MGAT5: variants seen among roughly 807,000 people sequenced by gnomAD.
MGAT5 encodes the protein alpha-1,6-mannosylglycoprotein 6-beta-N-acetylglucosaminyltransferase A.
Under a neutral mutation model 94.3 loss-of-function variants are expected in MGAT5, and 30 were observed. That is an observed-to-expected ratio of 0.32 (90% CI 0.24 to 0.43). The LOEUF is 0.43. MGAT5 is among the 20% of genes least tolerant of loss of function. The pLI, the probability that MGAT5 is intolerant of heterozygous loss-of-function variation, is 1.00. For missense variants in MGAT5, 691 were observed against 905.5 expected (o/e 0.76, Z 3.04); for synonymous variants, 310 against 322.9 (o/e 0.96, Z 0.43).
chr2:134,372,901 C>T (rs536370484), intron 10 of MGAT5, among the ~76,000 whole-genome samples: 1 of 152,324 alleles, frequency 6.6e-6, no homozygotes, highest in Admixed American at 6.5e-5. Flanking sequence ...CTCCTGCGAA[C>T]GCCAGGGCTG....
At chr2:134,178,713 A>G (rs952569271) in intron 1 of MGAT5, among the ~76,000 whole-genome samples, 3 of 152,210 alleles carry the variant, frequency 2.0e-5, no homozygotes, top group African/African-American at 7.2e-5. Context: ...CTCTAGGGAA[A>G]GAACTTGAAT....
intron 1 of MGAT5, among the ~76,000 whole-genome samples, chr2:134,195,824 GA>G (rs1325002322): frequency 6.6e-6 from 1 of 152,202 alleles, no homozygotes; most frequent in African/African-American, 2.4e-5. Context: ...TTTTATTTGT[GA>G]CAATTGTATT....
intron 10 of MGAT5, among the ~76,000 whole-genome samples, chr2:134,374,208 A>T (rs1681011338): frequency 6.6e-6 from 1 of 152,004 alleles, no homozygotes; most frequent in South Asian, 2.1e-4. Flanking sequence ...AGGAAGTCTG[A>T]CCTCTTTCCG....
intron 1 of MGAT5, among the ~76,000 whole-genome samples, chr2:134,144,629 G>T (rs114472004): frequency 5.3e-5 from 8 of 152,184 alleles, no homozygotes; most frequent in African/African-American, 1.7e-4. Context: ...AAATGTAAAA[G>T]CTTTAATTTA....
At chr2:134,429,499 A>G (rs578098549) in intron 14 of MGAT5, among the ~76,000 whole-genome samples, 1 of 152,310 alleles carries the variant, frequency 6.6e-6, no homozygotes, top group South Asian at 2.1e-4. Context: ...TGGCCTCTCT[A>G]TGCCTTAGTT....
chr2:134,279,837 A>G (rs1684588143), intron 2 of MGAT5, among the ~76,000 whole-genome samples: 1 of 152,220 alleles, frequency 6.6e-6, no homozygotes. Flanking sequence ...ACAGCATAGC[A>G]TATGCTTCCT....
chr2:134,393,844 A>G (rs919788750), intron 10 of MGAT5, among the ~76,000 whole-genome samples: 1 of 149,976 alleles, frequency 6.7e-6, no homozygotes, highest in Non-Finnish European at 1.5e-5. Flanking sequence ...TCCTGGTTGC[A>G]CCCCACCCCC....
At chr2:134,270,308 C>A in intron 1 of MGAT5, 78 bp from the exon 2 acceptor site, 1 of 1,383,326 alleles carries the variant, frequency 7.2e-7, no homozygotes, top group South Asian at 1.4e-5. Flanking sequence ...GTTTTGTTCT[C>A]CACGATAAAG....
Position 134,400,950 on chromosome 2 carries a change from G to A in MGAT5, c.1381-2038G>A, listed in dbSNP as rs534232830. 5.9e-5 allele frequency among the ~76,000 whole-genome samples: 9 copies of A among 152,252 alleles called. No homozygotes were observed. In the East Asian group the frequency reaches 1.7e-3, roughly 29 times the overall value. On this transcript the variant is annotated intron_variant, in intron 10 of 15. Transcript: ENST00000281923. ...TATTATAAGGATCCAGAGGGACCTG[G>A]GGAATTTAGGATAGGGAACCACTGT...
At chr2:134,214,011 G>A (rs897942028) in intron 1 of MGAT5, among the ~76,000 whole-genome samples, 9 of 152,268 alleles carry the variant, frequency 5.9e-5, no homozygotes, top group Admixed American at 5.2e-4. Flanking sequence ...AGTGGTCTTT[G>A]TGGTAGCCAG....
chr2:134,439,038 G>A (rs1200374966), intron 14 of MGAT5, among the ~76,000 whole-genome samples: 3 of 152,164 alleles, frequency 2.0e-5, no homozygotes, highest in African/African-American at 7.2e-5. Flanking sequence ...GAACACATGA[G>A]TGGAGGGCAA....
chr2:134,190,670 A>G (rs1035491866), intron 1 of MGAT5, among the ~76,000 whole-genome samples: 6 of 152,010 alleles, frequency 3.9e-5, no homozygotes, highest in African/African-American at 1.5e-4. Flanking sequence ...TTTTTTTCAG[A>G]CAGTCTCTCT....
intron 4 of MGAT5, among the ~76,000 whole-genome samples, chr2:134,335,140 T>C (rs905882227): frequency 6.6e-6 from 1 of 152,112 alleles, no homozygotes; most frequent in Admixed American, 6.6e-5. Context: ...AAAACTGACA[T>C]GTTTCTTTGA....
At chr2:134,414,552 T>C (rs1332895731) in intron 12 of MGAT5, among the ~76,000 whole-genome samples, 1 of 152,202 alleles carries the variant, frequency 6.6e-6, no homozygotes, top group Non-Finnish European at 1.5e-5. Context: ...AATATACACA[T>C]TGTGAGATAG....
intron 1 of MGAT5, among the ~76,000 whole-genome samples, chr2:134,182,988 C>T (rs926511774): frequency 2.6e-5 from 4 of 151,958 alleles, no homozygotes; most frequent in Admixed American, 1.3e-4. Context: ...GACAGGGTTT[C>T]ACCGTGTTAG....
At chr2:134,371,289 A>G (rs1680781377) in intron 10 of MGAT5, among the ~76,000 whole-genome samples, 1 of 152,194 alleles carries the variant, frequency 6.6e-6, no homozygotes, top group Non-Finnish European at 1.5e-5. Flanking sequence ...GTGAGGTTTC[A>G]GAAGAAGCTT....
At chr2:134,398,686 C>T (rs187558940) in intron 10 of MGAT5, among the ~76,000 whole-genome samples, 2 of 152,254 alleles carry the variant, frequency 1.3e-5, no homozygotes, top group African/African-American at 4.8e-5. Flanking sequence ...CTTGAGTGTC[C>T]ATCAGCGGAT....
intron 9 of MGAT5, among the ~76,000 whole-genome samples, chr2:134,360,621 T>A (rs1216254894): frequency 2.0e-5 from 3 of 152,116 alleles, no homozygotes; most frequent in Non-Finnish European, 4.4e-5. Flanking sequence ...TAACAAAAAA[T>A]TTTAGAAATA....
chr2:134,250,173 A>T (rs1386164851), upstream of MGAT5, among the ~76,000 whole-genome samples: 2 of 152,152 alleles, frequency 1.3e-5, no homozygotes, highest in African/African-American at 4.8e-5. Context: ...AGAAAGTAGG[A>T]GGATAGAGGG....
Sources: gnomAD v4.1 joint callset for allele counts (sites outside exome capture counted in the v4.1 genomes callset) on GRCh38, gnomAD v4.1.1 for gene constraint, MANE v1.5 for transcripts, NCBI Gene and HGNC (gene_info 2026-07-23, HGNC 2026-07-21) for gene names.